NBPF11: variants seen among roughly 807,000 people sequenced by gnomAD.
NBPF11 encodes the protein NBPF family member NBPF11.
A neutral mutation model predicts 93.9 loss-of-function variants in NBPF11; 72 were observed. The observed-to-expected ratio is 0.77, with a 90% confidence interval of 0.63 to 0.93. The LOEUF (loss-of-function observed/expected upper bound fraction) is 0.93. Among genes scored for constraint, NBPF11 ranks in the 40% least tolerant of loss-of-function variants. The pLI, the probability that NBPF11 is intolerant of heterozygous loss-of-function variation, is 0.00. For missense variants in NBPF11, 705 were observed against 802.2 expected, an observed-to-expected ratio of 0.88 and a Z score of 1.46; for synonymous variants, 224 against 304.9, an observed-to-expected ratio of 0.73 and a Z score of 2.76.
rs200079249 is a variant in NBPF11, at chr1:148,124,953, C to T, written c.224G>A (p.Arg75Gln). 6.7e-3 allele frequency: 10,853 copies of T among 1,608,550 alleles called. 11 individuals carry two copies. Among genetic ancestry groups the T allele is most frequent in the Admixed American group, 0.01 (616 of 60,022 alleles). ...TGCAAGCTTCTCCTCCTTGAACTGT[C>T]GCTCATTCCTCAGCATAAATTTTAT... ...DLIKFMLRNE[R>Q]QFKEEKLAEQ... The change falls in exon 6 of 24, where the codon CGA becomes CAA. Residue 75 changes from arginine to glutamine, a missense_variant. Physicochemically the swap from Arg to Gln is conservative, Grantham distance 43. This residue lies in a region of NBPF11 where 128 missense variants were observed against 112.8 expected (regional missense o/e 1.14). Transcript: ENST00000682118.
chr1:148,123,788 T>C lies in NBPF11; in HGVS notation c.493+65A>G, dbSNP rs1475553827. 3.2e-6 allele frequency: 5 copies of C among 1,570,746 alleles called. No homozygotes were observed. In the East Asian group the frequency reaches 6.7e-5, roughly 21 times the overall value. On this transcript the variant is annotated intron_variant, in intron 7 of 23. Coordinates refer to ENST00000682118, the MANE Select transcript of NBPF11 (RefSeq NM_001385469.3). The stretch of plus-strand genomic sequence containing the variant: ...ACTGATACAACTGTCATTGTGAAAG[T>C]ATGGAGGTCTGGAGCCTCTCATAAG...
chr1:148,131,313 T>C (rs1304862675), intron 4 of NBPF11, among the ~76,000 whole-genome samples: 3 of 151,582 alleles, frequency 2.0e-5, no homozygotes, highest in Non-Finnish European at 4.4e-5. Flanking sequence ...TTAAACGAGT[T>C]TTACTGGGGG....
At chr1:148,140,344 C>T (rs1452882827) in intron 2 of NBPF11, among the ~76,000 whole-genome samples, 2 of 151,536 alleles carry the variant, frequency 1.3e-5, no homozygotes, top group African/African-American at 4.9e-5. Flanking sequence ...GAGAAAATCT[C>T]GGGGATCCTG....
intron 4 of NBPF11, among the ~76,000 whole-genome samples, chr1:148,133,617 G>C (rs1670792971): frequency 6.6e-6 from 1 of 151,916 alleles, no homozygotes; most frequent in Non-Finnish European, 1.5e-5. Flanking sequence ...CTTTTGCCCT[G>C]GTAATATATA....
chr1:148,123,349 G>C (rs1303867233), intron 7 of NBPF11, among the ~76,000 whole-genome samples: 2 of 152,208 alleles, frequency 1.3e-5, no homozygotes, highest in African/African-American at 4.8e-5. Context: ...ACCACACGGA[G>C]AGGGGCTTCA....
rs1376904796 is a variant in NBPF11, at chr1:148,115,864, T to C, written c.1514A>G (p.Asp505Gly). Reference sequence around the variant, plus strand: ...GCCAATGAGAGTTGAGTCGACTTTGTCTTCCTCAAATGTGATTTTGGTTTT... The same window carrying C: ...GCCAATGAGAGTTGAGTCGACTTTGCCTTCCTCAAATGTGATTTTGGTTTT... ...HRKTKITFEEDKVDSTLIGSS... is the reference protein window; with the variant it reads ...HRKTKITFEEGKVDSTLIGSS... The change falls in exon 14 of 24, where the codon GAC (aspartate) becomes GGC (glycine). Residue 505 changes from aspartate (D) to glycine (G), a missense_variant. Transcript: ENST00000682118. The C allele has an allele frequency of 1.5e-5, 23 of 1,583,176 alleles. 3 individuals carry two copies. Among genetic ancestry groups the C allele is most frequent in the African/African-American group, 2.9e-5 (2 of 68,694 alleles).
In NBPF11 at chr1:148,120,499, AC is replaced by A; in HGVS notation, c.988+1del. The A allele has an allele frequency of 1.1e-6, 1 of 907,168 alleles. No individual in the cohort carries two copies. Among genetic ancestry groups the A allele is most frequent in the Middle Eastern group, 3.2e-4 (1 of 3,132 alleles). The allele number at this position is 907,168 out of a possible 1,614,324, so 56.2% of individuals were successfully genotyped here. Reference sequence around the variant, plus strand: ...TCGTGATGGTGAGCATATAGATCTTACTGTATTTGTTCTGCTGCTTGGCCAG... The same window carrying A: ...TCGTGATGGTGAGCATATAGATCTTATGTATTTGTTCTGCTGCTTGGCCAG... On this transcript the variant is annotated splice_donor_variant, in intron 10 of 23. Coordinates refer to ENST00000682118, the MANE Select transcript of NBPF11 (RefSeq NM_001385469.3). LOFTEE classifies it high-confidence loss of function.
At chr1:148,146,345 G>T in intron 1 of NBPF11, 1 of 1,452,440 alleles carries the variant, frequency 6.9e-7, no homozygotes, top group South Asian at 1.4e-5. Flanking sequence ...AGGCCGGGCG[G>T]CGTTGTTGGC....
At chr1:148,124,287 C>T (rs1668568334) in intron 6 of NBPF11, among the ~76,000 whole-genome samples, 1 of 151,852 alleles carries the variant, frequency 6.6e-6, no homozygotes, top group African/African-American at 2.4e-5. Flanking sequence ...CGATGATGTT[C>T]CATTCATCTT....
intron 4 of NBPF11, among the ~76,000 whole-genome samples, chr1:148,132,871 C>T (rs1411138275): frequency 7.7e-6 from 1 of 130,226 alleles, no homozygotes; most frequent in Non-Finnish European, 1.6e-5. Flanking sequence ...CCTGCCTCAG[C>T]CTCCCAAGTA....
rs1429605269 is a variant in NBPF11 at position 148,148,813 on chromosome 1, G to T, written c.-549+2937C>A. Among the ~76,000 whole-genome samples, 26 of 151,936 alleles carry T rather than the reference G, an allele frequency of 1.7e-4. 1 individual carries two copies. The highest frequency in any genetic ancestry group is 2.8e-4 in the Non-Finnish European group (19 of 68,006). On this transcript the variant is annotated intron_variant, in intron 1 of 23. Coordinates refer to ENST00000682118, the MANE Select transcript of NBPF11 (RefSeq NM_001385469.3). ...GCATTCAGGATGTGGGGGCCACACA[G>T]TTCCCAGTGTGCACCTAGGGGTGAC...
At chr1:148,127,985 C>A (rs1423439178) in intron 4 of NBPF11, among the ~76,000 whole-genome samples, 1 of 151,070 alleles carries the variant, frequency 6.6e-6, no homozygotes, top group Non-Finnish European at 1.5e-5. Context: ...GGTATATATG[C>A]CACTAATTTG....
At chr1:148,112,050 T>A (rs1571421041) in intron 15 of NBPF11, among the ~76,000 whole-genome samples, 1 of 145,388 alleles carries the variant, frequency 6.9e-6, no homozygotes, top group African/African-American at 2.7e-5. Flanking sequence ...TAGCAGCAGA[T>A]CTCTTGGCAC....
At chr1:148,145,542 C>G (rs1333904927) in intron 1 of NBPF11, among the ~76,000 whole-genome samples, 14 of 149,446 alleles carry the variant, frequency 9.4e-5, no homozygotes, top group Middle Eastern at 3.4e-3. Context: ...ACACAATAAG[C>G]AGTAACCATA....
intron 4 of NBPF11, among the ~76,000 whole-genome samples, chr1:148,131,437 A>T (rs1670323132): frequency 6.6e-6 from 1 of 151,974 alleles, no homozygotes; most frequent in Non-Finnish European, 1.5e-5. Flanking sequence ...ACCTAGACCC[A>T]TTTAGATTAA....
intron 10 of NBPF11, among the ~76,000 whole-genome samples, chr1:148,119,713 C>A (rs7524293): frequency 1.3e-5 from 2 of 151,598 alleles, no homozygotes; most frequent in Admixed American, 1.3e-4. Context: ...TGGAGTGCAA[C>A]GGCAAAATCT....
chr1:148,146,438 G>T, intron 1 of NBPF11: 1 of 1,603,972 alleles, frequency 6.2e-7, no homozygotes. Flanking sequence ...CTCTTCTGCT[G>T]CCCTCCCTGC....
chr1:148,120,963 G>A (rs1347403356), intron 9 of NBPF11, among the ~76,000 whole-genome samples: 2 of 152,038 alleles, frequency 1.3e-5, no homozygotes, highest in African/African-American at 2.4e-5. Context: ...GCTTGGCCCT[G>A]AGATTTTTAT....
intron 1 of NBPF11, among the ~76,000 whole-genome samples, chr1:148,145,201 C>CTTTCT: frequency 1.3e-5 from 1 of 75,624 alleles, no homozygotes; most frequent in South Asian, 5.1e-4. Context: ...TTTTTTCTTT[C>CTTTCT]TTTTTTTTTT....
Sources: gnomAD v4.1 joint callset for allele counts (sites outside exome capture counted in the v4.1 genomes callset) on GRCh38, gnomAD v4.1.1 for gene constraint, gnomAD v4.1.1 regional missense constraint, MANE v1.5 for transcripts, NCBI Gene and HGNC (gene_info 2026-07-23, HGNC 2026-07-21) for gene names.